Variants in CNGA1 observed in about 807,000 individuals in gnomAD.
The protein encoded by CNGA1 is cyclic nucleotide-gated channel alpha-1.
Under a neutral mutation model 69.7 loss-of-function variants are expected in CNGA1, and 53 were observed. The ratio of observed to expected loss-of-function variants is 0.76; its 90% confidence interval spans 0.61 to 0.96. The LOEUF is 0.96. Ranked by LOEUF, CNGA1 falls within the 40% of genes least tolerant of loss-of-function variation. The pLI, the probability that CNGA1 is intolerant of heterozygous loss-of-function variation, is 0.00. For missense variants in CNGA1, 739 were observed against 811.2 expected (o/e 0.91, Z 1.08); for synonymous variants, 249 against 283.5 (o/e 0.88, Z 1.22).
intron 2 of CNGA1, among the ~76,000 whole-genome samples, chr4:48,003,737 A>G (rs321643): frequency 0.29 from 44,648 of 152,016 alleles, 7,286 homozygotes; most frequent in African/African-American, 0.44. Context: ...AAGAGTGTGA[A>G]CCTTCTGTTA....
At position 47,943,392 on chromosome 4, in the gene CNGA1, T is replaced by C; in HGVS notation, c.308A>G (p.Lys103Arg). 1 of 1,510,290 alleles carries C rather than the reference T, an allele frequency of 6.6e-7. No individual in the cohort carries two copies. Among genetic ancestry groups the C allele is most frequent in the African/African-American group, 1.4e-5 (1 of 71,030 alleles). 93.6% of individuals were successfully genotyped at this position (1,510,290 alleles called of 1,614,324 possible). ...TTACCTCTTCTTTTCTTTTTTCTTT[T>C]TCTTTTTTTCTTCTGGTTCCCTAAA... The part of the protein sequence containing the change: ...NKDQEPEEKK[K>R]KKKEKKSKSD... Residue 103 changes from lysine (K) to arginine (R), a missense_variant, in exon 7 of 11, where the codon AAA becomes AGA. Coordinates refer to ENST00000514170, the MANE Select transcript of CNGA1 (RefSeq NM_001379270.1).
chr4:47,942,602 G>A (rs1462680657), intron 8 of CNGA1, among the ~76,000 whole-genome samples: 3 of 152,072 alleles, frequency 2.0e-5, no homozygotes, highest in African/African-American at 4.8e-5. Flanking sequence ...GCTGTGGGCC[G>A]GTACTGGTCT....
At position 48,016,624 on chromosome 4, in the gene CNGA1, C is replaced by T; in HGVS notation, c.-364G>A. 3.7e-6 allele frequency: 2 copies of T among 545,448 alleles called. No individual in the cohort carries two copies. The highest frequency in any genetic ancestry group is 4.7e-5 in the South Asian group (2 of 42,798). The allele number at this position is 545,448 out of a possible 1,614,324, so 33.8% of individuals were successfully genotyped here. On this transcript the variant is annotated 5_prime_UTR_variant, in exon 1 of 11. Transcript: ENST00000514170. ...CCAGTTATCACAGGCCGCTCCCAGGCCTGCGGGGGCCCTGAGAATTCGCAA... is the reference window on the plus strand; with the variant it reads ...CCAGTTATCACAGGCCGCTCCCAGGTCTGCGGGGGCCCTGAGAATTCGCAA...
intron 2 of CNGA1, among the ~76,000 whole-genome samples, chr4:47,996,026 A>G (rs543439408): frequency 2.8e-4 from 42 of 152,296 alleles, no homozygotes; most frequent in African/African-American, 9.1e-4. Flanking sequence ...TGGGGATACC[A>G]GTACAGTATT....
intron 2 of CNGA1, among the ~76,000 whole-genome samples, chr4:48,009,263 G>A (rs908218422): frequency 2.6e-5 from 4 of 151,706 alleles, no homozygotes; most frequent in African/African-American, 7.3e-5. Flanking sequence ...TCAGGAGATC[G>A]AGACCAGCCT....
intron 4 of CNGA1, among the ~76,000 whole-genome samples, chr4:47,951,872 T>G (rs1739761952): frequency 6.6e-6 from 1 of 152,196 alleles, no homozygotes; most frequent in South Asian, 2.1e-4. Context: ...TTATATTCAT[T>G]TATAGGGTAA....
At chr4:47,984,636 CAAAT>C (rs1490022110) in intron 2 of CNGA1, among the ~76,000 whole-genome samples, 2 of 118,710 alleles carry the variant, frequency 1.7e-5, no homozygotes, top group Non-Finnish European at 3.4e-5. Context: ...AACAAACAAA[CAAAT>C]AAAAAAAATA....
At chr4:48,015,331 T>C (rs1447906436) in intron 1 of CNGA1, among the ~76,000 whole-genome samples, 2 of 152,184 alleles carry the variant, frequency 1.3e-5, no homozygotes, top group African/African-American at 4.8e-5. Flanking sequence ...AAGTCATCCA[T>C]ATGTATTATA....
At chr4:47,947,740 G>A (rs1036206497) in intron 6 of CNGA1, among the ~76,000 whole-genome samples, 3 of 152,128 alleles carry the variant, frequency 2.0e-5, no homozygotes, top group African/African-American at 7.2e-5. Flanking sequence ...AAAAGGACTC[G>A]TGGGCAGTCA....
chr4:47,974,180 T>C (rs1741222412), intron 3 of CNGA1, among the ~76,000 whole-genome samples: 1 of 130,920 alleles, frequency 7.6e-6, no homozygotes, highest in Admixed American at 8.4e-5. Flanking sequence ...AAAAGCAAAT[T>C]GTGAAGTAAT....
intron 2 of CNGA1, among the ~76,000 whole-genome samples, chr4:47,981,834 C>T (rs1463897456): frequency 6.6e-6 from 1 of 152,180 alleles, no homozygotes; most frequent in Non-Finnish European, 1.5e-5. Flanking sequence ...CAACTTCACC[C>T]AGGGTTATCA....
At chr4:47,942,760 A>G (rs1195545584) in intron 8 of CNGA1, among the ~76,000 whole-genome samples, 2 of 152,212 alleles carry the variant, frequency 1.3e-5, no homozygotes, top group African/African-American at 2.4e-5. Context: ...CTGCGCGTGC[A>G]AGGGATCTAG....
rs192691676 is a variant in CNGA1 at position 47,955,856 on chromosome 4, T to C, written c.-14-3153A>G. Among the ~76,000 whole-genome samples the C allele has an allele frequency of 7.9e-5, 12 of 152,362 alleles. No homozygotes were observed. In the East Asian group the frequency reaches 2.3e-3, roughly 29 times the overall value. ...TAACCACAGCAGTGCTTGCACATGA[T>C]AGGTACTCAAGAAATGCTTATGGCA... On this transcript the variant is annotated intron_variant, in intron 3 of 10. Coordinates refer to ENST00000514170, the MANE Select transcript of CNGA1 (RefSeq NM_001379270.1).
chr4:47,955,483 C>T (rs1250380077), intron 3 of CNGA1, among the ~76,000 whole-genome samples: 1 of 152,046 alleles, frequency 6.6e-6, no homozygotes, highest in African/African-American at 2.4e-5. Flanking sequence ...GCGCCTGGCC[C>T]ATATAACAAT....
rs535180238 is a variant in CNGA1, at chr4:47,989,293, A to G, written c.-122-7793T>C. On this transcript the variant is annotated intron_variant, in intron 2 of 10. Coordinates refer to ENST00000514170, the MANE Select transcript of CNGA1 (RefSeq NM_001379270.1). ...TAACTTCTCAGGTAGATTTGTTTAC[A>G]GGGAAACTCATTAGTTACAGAACAT... Among the ~76,000 whole-genome samples, 3 of 152,310 alleles carry G rather than the reference A, an allele frequency of 2.0e-5. No homozygotes were observed. The East Asian group carries it at 5.8e-4, about 29-fold the overall frequency.
intron 2 of CNGA1, among the ~76,000 whole-genome samples, chr4:48,005,261 G>A (rs1259383022): frequency 1.3e-5 from 2 of 152,036 alleles, no homozygotes; most frequent in African/African-American, 2.4e-5. Flanking sequence ...GGGATTACAG[G>A]CATGTGCCAC....
At chr4:47,956,986 T>A (rs541776877) in intron 3 of CNGA1, among the ~76,000 whole-genome samples, 2 of 152,230 alleles carry the variant, frequency 1.3e-5, no homozygotes, top group South Asian at 4.1e-4. Context: ...CAGGCTGGAG[T>A]GCAGTAGCAC....
At chr4:48,013,198 A>G (rs1265243238) in intron 1 of CNGA1, among the ~76,000 whole-genome samples, 1 of 152,230 alleles carries the variant, frequency 6.6e-6, no homozygotes, top group East Asian at 1.9e-4. Flanking sequence ...GCTGGTACCA[A>G]GCACTGATAA....
intron 3 of CNGA1, chr4:47,970,789 T>G: frequency 2.3e-6 from 1 of 428,174 alleles, no homozygotes; most frequent in South Asian, 1.8e-5. Flanking sequence ...TTTTATATTT[T>G]ATATACTATA....
Sources: gnomAD v4.1 joint callset for allele counts (sites outside exome capture counted in the v4.1 genomes callset) on GRCh38, gnomAD v4.1.1 for gene constraint, MANE v1.5 for transcripts, NCBI Gene and HGNC (gene_info 2026-07-23, HGNC 2026-07-21) for gene names.